Variants in RAPGEF2 observed in about 807,000 individuals in gnomAD.
RAPGEF2 encodes Rap guanine nucleotide exchange factor 2, also known as PDZ domain containing guanine nucleotide exchange factor (GEF) 1.
RAPGEF2 carries 54 observed loss-of-function variants against 186.7 expected under a neutral mutation model. The ratio of observed to expected loss-of-function variants is 0.29; its 90% CI spans 0.23 to 0.36. RAPGEF2 has a LOEUF of 0.36. Among genes scored for constraint, RAPGEF2 ranks in the 10% least tolerant of loss-of-function variants. The pLI is 1.00. For missense variants in RAPGEF2, 1,532 were observed against 2,045.0 expected (o/e 0.75, Z 4.84); for synonymous variants, 712 against 705.9 (o/e 1.01, Z -0.14).
At chr4:159,342,617 T>TGTTATGTTATGTTA (rs1729710369) in intron 20 of RAPGEF2, among the ~76,000 whole-genome samples, 1 of 146,614 alleles carries the variant, frequency 6.8e-6, no homozygotes, top group African/African-American at 2.5e-5. Flanking sequence ...TTTTATTTTA[T>TGTTATGTTATGTTA]TACTAGAGGA....
chr4:159,223,730 G>C (rs1198400822), intron 4 of RAPGEF2, among the ~76,000 whole-genome samples: 1 of 152,138 alleles, frequency 6.6e-6, no homozygotes. Context: ...TTGCCATGAT[G>C]GATATAGTCC....
chr4:159,193,487 A>G (rs1748327116), intron 3 of RAPGEF2, among the ~76,000 whole-genome samples: 1 of 152,220 alleles, frequency 6.6e-6, no homozygotes, highest in South Asian at 2.1e-4. Context: ...TGGGTCAAAG[A>G]TACTATTTCA....
chr4:159,113,012 T>G (rs769218739), intron 1 of RAPGEF2, among the ~76,000 whole-genome samples: 1 of 152,156 alleles, frequency 6.6e-6, no homozygotes, highest in Non-Finnish European at 1.5e-5. Flanking sequence ...TAACTAAAAA[T>G]CAACCTAAGT....
intron 5 of RAPGEF2, among the ~76,000 whole-genome samples, chr4:159,240,086 T>A (rs1399903799): frequency 6.6e-6 from 1 of 152,160 alleles, no homozygotes; most frequent in Non-Finnish European, 1.5e-5. Flanking sequence ...TATAGCACTT[T>A]CCAACAGTAG....
At chr4:159,322,824 T>C (rs964101737) in intron 10 of RAPGEF2, among the ~76,000 whole-genome samples, 1 of 152,112 alleles carries the variant, frequency 6.6e-6, no homozygotes, top group Non-Finnish European at 1.5e-5. Context: ...AGACCCCTGA[T>C]AAAACCATCA....
chr4:159,266,381 A>G (rs935410270), intron 7 of RAPGEF2, among the ~76,000 whole-genome samples: 3 of 152,228 alleles, frequency 2.0e-5, no homozygotes, highest in Admixed American at 6.5e-5. Context: ...TCTATTTTCT[A>G]TTACATGTGC....
At position 159,339,364 on chromosome 4, in the gene RAPGEF2, A is replaced by G. The variant is rs777591087; in HGVS notation, c.2534+10A>G. The G allele has an allele frequency of 5.6e-6, 9 of 1,607,006 alleles. No homozygotes were observed. The African/African-American group carries it at 6.7e-5, about 12-fold the overall frequency. ...TACAACTGAGTGGAAGGTATATATT[A>G]TCTACCTTACTGGATTTCTTTGTCC... is the stretch of plus-strand genomic sequence containing the variant. On this transcript the variant is annotated intron_variant, in intron 19 of 29. Coordinates refer to ENST00000691494, the MANE Select transcript of RAPGEF2 (RefSeq NM_001394067.2).
chr4:159,188,663 C>CAAAAAA, intron 2 of RAPGEF2, among the ~76,000 whole-genome samples: 1 of 84,848 alleles, frequency 1.2e-5, no homozygotes, highest in Non-Finnish European at 2.3e-5. Context: ...GACTACATCT[C>CAAAAAA]AAAAAAAAAA....
rs1488271104 is a variant in RAPGEF2 at position 159,359,355 on chromosome 4, G to A, written c.*1216G>A. 1 of 152,136 alleles carries A rather than the reference G, an allele frequency of 6.6e-6. No homozygotes were observed. The highest frequency in any genetic ancestry group is 2.4e-5 in the African/African-American group (1 of 41,426). 9.4% of individuals were successfully genotyped at this position (152,136 alleles called of 1,614,324 possible). A position where few individuals can be genotyped will look rare whatever the true frequency, so the allele number is the denominator to read the frequency against. On this transcript the variant is annotated 3_prime_UTR_variant, in exon 30 of 30. Coordinates refer to ENST00000691494, the MANE Select transcript of RAPGEF2 (RefSeq NM_001394067.2). ...TAGACATGCCAGCCTTTGCAAGGCA[G>A]GTTAGTCACCAAAGACTAACCTCCA...
chr4:159,210,332 T>C (rs1189251724), intron 3 of RAPGEF2, among the ~76,000 whole-genome samples, 168 bp from the exon 4 acceptor site: 1 of 152,260 alleles, frequency 6.6e-6, no homozygotes, highest in Non-Finnish European at 1.5e-5. Flanking sequence ...CAAAGTAATT[T>C]GTAAAAATGA....
At chr4:159,175,571 G>A (rs1409194736) in intron 1 of RAPGEF2, among the ~76,000 whole-genome samples, 1 of 152,022 alleles carries the variant, frequency 6.6e-6, no homozygotes, top group Non-Finnish European at 1.5e-5. Context: ...GCCCCTTTTC[G>A]TCAGGGACAT....
chr4:159,114,843 G>A (rs1004437216), intron 1 of RAPGEF2, among the ~76,000 whole-genome samples: 1 of 152,068 alleles, frequency 6.6e-6, no homozygotes, highest in African/African-American at 2.4e-5. Context: ...GGAGTGAGGG[G>A]GTGGAAGGGG....
chr4:159,244,270 CAG>C, intron 7 of RAPGEF2, among the ~76,000 whole-genome samples: 1 of 151,876 alleles, frequency 6.6e-6, no homozygotes, highest in African/African-American at 2.4e-5. Context: ...AAATTTCAGT[CAG>C]ATTTTTTTTT....
intron 4 of RAPGEF2, among the ~76,000 whole-genome samples, chr4:159,218,650 C>G (rs764452956): frequency 6.6e-6 from 1 of 151,604 alleles, no homozygotes; most frequent in Non-Finnish European, 1.5e-5. Context: ...CCCAGCTACT[C>G]GGGAGGATGA....
Position 159,350,273 on chromosome 4 carries a change from G to T in RAPGEF2, c.3849G>T (p.Gln1283His). 1 of 1,581,374 alleles carries T rather than the reference G, an allele frequency of 6.3e-7. No homozygotes were observed. The highest frequency in any genetic ancestry group is 8.6e-7 in the Non-Finnish European group (1 of 1,166,470). ...SQLSSPPTSP[Q>H]SSPRKGYTLA... ...TTTCTTCTCCTCCTACTTCTCCACA[G>T]AGTTCTCCAAGGAAAGGTAGAATTA... Residue 1283 changes from glutamine (Q) to histidine (H), a missense_variant, in exon 26 of 30, where the codon CAG becomes CAT. Gln to His is a conservative substitution (Grantham distance 24). This residue lies in a region of RAPGEF2 where 594 missense variants were observed against 608.5 expected (regional missense o/e 0.98). Coordinates refer to ENST00000691494, the MANE Select transcript of RAPGEF2 (RefSeq NM_001394067.2).
At chr4:159,187,504 T>G (rs1386427529) in intron 2 of RAPGEF2, among the ~76,000 whole-genome samples, 2 of 152,238 alleles carry the variant, frequency 1.3e-5, no homozygotes, top group Non-Finnish European at 2.9e-5. Flanking sequence ...AAAGAATTAC[T>G]AGGTCCATTA....
chr4:159,296,973 T>C (rs1342402131), intron 7 of RAPGEF2, among the ~76,000 whole-genome samples: 1 of 152,240 alleles, frequency 6.6e-6, no homozygotes, highest in Non-Finnish European at 1.5e-5. Context: ...TAATATTGAT[T>C]ATTTATTTTC....
At chr4:159,356,515 A>G (rs1732032822) in intron 29 of RAPGEF2, among the ~76,000 whole-genome samples, 2 of 152,188 alleles carry the variant, frequency 1.3e-5, no homozygotes, top group African/African-American at 2.4e-5. Context: ...CCCAAAGATT[A>G]TGGAGGGAGT....
chr4:159,239,560 C>T, intron 5 of RAPGEF2, among the ~76,000 whole-genome samples: 1 of 152,164 alleles, frequency 6.6e-6, no homozygotes, highest in Middle Eastern at 3.4e-3. Flanking sequence ...AGAGATTATA[C>T]ATAGAACATA....
Sources: allele counts gnomAD v4.1 joint callset (sites outside exome capture counted in the v4.1 genomes callset), GRCh38; gene constraint gnomAD v4.1.1; regional missense constraint gnomAD v4.1.1; transcripts MANE v1.5; gene names NCBI Gene and HGNC (gene_info 2026-07-23, HGNC 2026-07-21).